The following MGAM2 variants were observed in gnomAD, a reference collection of about 807,000 sequenced individuals.
The protein encoded by MGAM2 is probable maltase-glucoamylase 2.
MGAM2 carries 98 observed loss-of-function variants against 96.1 expected under a neutral mutation model. The ratio of observed to expected loss-of-function variants is 1.02; its 90% CI spans 0.87 to 1.21. The LOEUF is 1.21. Among genes scored for constraint, MGAM2 ranks in the 50% most tolerant of loss-of-function variants. The pLI, the probability that MGAM2 is intolerant of heterozygous loss-of-function variation, is 0.00. For synonymous variants in MGAM2, 749 were observed against 414.8 expected (o/e 1.81, Z -9.79); for missense variants, 2,055 against 1,182.4 (o/e 1.74, Z -10.82).
chr7:142,175,564 G>C, intron 31 of MGAM2, 88 bp from the exon 32 acceptor site: 1 of 645,290 alleles, frequency 1.5e-6, no homozygotes, highest in African/African-American at 1.8e-5. Context: ...CAGGCAGGCA[G>C]CAGGACCAGG....
intron 44 of MGAM2, among the ~76,000 whole-genome samples, chr7:142,199,337 G>A (rs1027862837): frequency 6.6e-6 from 1 of 152,236 alleles, no homozygotes. Flanking sequence ...ATATGAAAGA[G>A]GGCTTTGAGC....
chr7:142,205,817 A>T (rs1797385178), intron 45 of MGAM2, among the ~76,000 whole-genome samples: 1 of 151,958 alleles, frequency 6.6e-6, no homozygotes, highest in Admixed American at 6.6e-5. Flanking sequence ...ATTTTTTTCT[A>T]TTCGTTTAAT....
chr7:142,184,648 G>A (rs1219833038), intron 33 of MGAM2, among the ~76,000 whole-genome samples: 1 of 152,100 alleles, frequency 6.6e-6, no homozygotes, highest in Non-Finnish European at 1.5e-5. Flanking sequence ...CATATACTTG[G>A]AGTCCGCTAT....
chr7:142,169,160 G>T (rs1376101850), intron 26 of MGAM2, among the ~76,000 whole-genome samples: 1 of 152,166 alleles, frequency 6.6e-6, no homozygotes, highest in Non-Finnish European at 1.5e-5. Context: ...GCAAGGTGTG[G>T]TGGCTCACAC....
chr7:142,167,511 G>C, intron 26 of MGAM2, 25 bp downstream of exon 26: 1 of 702,814 alleles, frequency 1.4e-6, no homozygotes, highest in South Asian at 1.5e-5. Flanking sequence ...GCAGATTCTG[G>C]TTCTCAAGAT....
intron 31 of MGAM2, among the ~76,000 whole-genome samples, chr7:142,174,000 C>G (rs1235872162): frequency 1.3e-5 from 2 of 151,984 alleles, no homozygotes; most frequent in African/African-American, 4.8e-5. Context: ...GGTGTATGGT[C>G]TTGTTTCTGG....
At chr7:142,188,403 G>T (rs1796769029) in intron 36 of MGAM2, among the ~76,000 whole-genome samples, 1 of 152,002 alleles carries the variant, frequency 6.6e-6, no homozygotes, top group Non-Finnish European at 1.5e-5. Flanking sequence ...CCAGGAGTTT[G>T]AGTCTTGAGA....
At chr7:142,155,867 T>C (rs115804534) in intron 17 of MGAM2, among the ~76,000 whole-genome samples, 1,850 of 152,210 alleles carry the variant, frequency 0.012, 31 homozygotes, top group African/African-American at 0.041. Context: ...ACAAAAAGGC[T>C]GGGCACGGTG....
At chr7:142,172,626 C>A in intron 29 of MGAM2, 26 bp from the exon 30 acceptor site, 2 of 684,662 alleles carry the variant, frequency 2.9e-6, no homozygotes, top group African/African-American at 1.8e-5. Context: ...CAAGGATGTG[C>A]CTCATGTGTG....
intron 45 of MGAM2, among the ~76,000 whole-genome samples, chr7:142,205,560 C>T (rs1797379585): frequency 1.3e-5 from 2 of 152,054 alleles, no homozygotes; most frequent in South Asian, 4.1e-4. Flanking sequence ...TCTCTGATAA[C>T]TAATGTTGTT....
chr7:142,149,476 C>A (rs1563261044), intron 15 of MGAM2, among the ~76,000 whole-genome samples: 1 of 151,982 alleles, frequency 6.6e-6, no homozygotes, highest in Non-Finnish European at 1.5e-5. Context: ...ATAATTATAC[C>A]TGAGATGTTT....
intron 1 of MGAM2, 55 bp from the exon 2 acceptor site, chr7:142,116,819 T>C: frequency 1.4e-6 from 1 of 702,194 alleles, no homozygotes; most frequent in East Asian, 2.7e-5. Flanking sequence ...ATGTATCCTC[T>C]TAGATTGGTG....
At chr7:142,190,267 C>CTTTTTTT (rs58228482) in intron 37 of MGAM2, among the ~76,000 whole-genome samples, 277 of 104,122 alleles carry the variant, frequency 2.7e-3, no homozygotes, top group Non-Finnish European at 3.6e-3. Flanking sequence ...TACCATTTTA[C>CTTTTTTT]TTTTTTTTTT....
intron 45 of MGAM2, 106 bp from the exon 46 acceptor site, chr7:142,208,467 G>A (rs1230123987): frequency 4.5e-6 from 3 of 671,078 alleles, no homozygotes; most frequent in African/African-American, 1.8e-5. Flanking sequence ...ACAATCATCA[G>A]TAACTGTGAC....
intron 26 of MGAM2, among the ~76,000 whole-genome samples, chr7:142,168,876 C>T (rs958054904): frequency 6.6e-6 from 1 of 152,168 alleles, no homozygotes. Flanking sequence ...TTTTGCATTT[C>T]TAGTGAATCT....
intron 46 of MGAM2, among the ~76,000 whole-genome samples, chr7:142,215,249 A>G (rs1797720295): frequency 6.6e-6 from 1 of 152,138 alleles, no homozygotes; most frequent in Non-Finnish European, 1.5e-5. Context: ...GGAGTTGAAT[A>G]ATGAGAACAT....
At chr7:142,135,988 T>C (rs1223640222) in intron 7 of MGAM2, among the ~76,000 whole-genome samples, 1 of 152,224 alleles carries the variant, frequency 6.6e-6, no homozygotes, top group Non-Finnish European at 1.5e-5. Context: ...AATAACTTGA[T>C]TGAGTTATAA....
Position 142,148,846 on chromosome 7 carries a change from C to T in MGAM2, c.1634+1273C>T, listed in dbSNP as rs950584628. On this transcript the variant is annotated intron_variant, in intron 15 of 47. Transcript: ENST00000477922. This position sits in a 1 kb window ranked among gnomAD's most constrained non-coding sequence, Gnocchi z 4.2. ...TTTGATGGGTTTATGGGGCCTGTCTCAGTCCTTTTCTTACTTGACTTCTCT... is the reference window on the plus strand; with the variant it reads ...TTTGATGGGTTTATGGGGCCTGTCTTAGTCCTTTTCTTACTTGACTTCTCT... 6.6e-6 allele frequency among the ~76,000 whole-genome samples: 1 copy of T among 152,118 alleles called. No individual in the cohort carries two copies. Among genetic ancestry groups the T allele is most frequent in the African/African-American group, 2.4e-5 (1 of 41,430 alleles).
chr7:142,156,067 C>A (rs1795726570), intron 17 of MGAM2, among the ~76,000 whole-genome samples: 1 of 152,010 alleles, frequency 6.6e-6, no homozygotes, highest in South Asian at 2.1e-4. Context: ...ATCTCTTGAA[C>A]CGGGGAGGCA....
Sources: gnomAD v4.1 joint callset for allele counts (sites outside exome capture counted in the v4.1 genomes callset) on GRCh38, gnomAD v4.1.1 for gene constraint, Gnocchi (gnomAD v3.1) non-coding constraint, MANE v1.5 for transcripts, NCBI Gene and HGNC (gene_info 2026-07-23, HGNC 2026-07-21) for gene names.